The following RCAN1 variants were observed in gnomAD, a reference collection of about 807,000 sequenced individuals.
RCAN1 encodes regulator of calcineurin 1, also known as calcipressin-1.
A neutral mutation model predicts 22.9 loss-of-function variants in RCAN1; 11 were observed. That is an observed-to-expected ratio of 0.48 (90% CI 0.30 to 0.79). The LOEUF is 0.79. Ranked by LOEUF, RCAN1 falls within the 30% of genes least tolerant of loss-of-function variation. The pLI, the probability that RCAN1 is intolerant of heterozygous loss-of-function variation, is 0.06. For missense variants in RCAN1, 291 were observed against 337.8 expected (o/e 0.86, Z 1.09); for synonymous variants, 136 against 142.3 (o/e 0.96, Z 0.32).
chr21:34,568,629 A>G (rs374728594), intron 1 of RCAN1, among the ~76,000 whole-genome samples: 16 of 152,206 alleles, frequency 1.1e-4, no homozygotes, highest in East Asian at 7.7e-4. Flanking sequence ...GGTCTTTAAG[A>G]AGAAAGGAGC....
chr21:34,591,994 C>A (rs1987987695), intron 1 of RCAN1, among the ~76,000 whole-genome samples: 1 of 152,168 alleles, frequency 6.6e-6, no homozygotes, highest in African/African-American at 2.4e-5. Context: ...GTCAGTCATG[C>A]CTTAAGAAAG....
intron 1 of RCAN1, among the ~76,000 whole-genome samples, chr21:34,538,527 G>T (rs973960289): frequency 4.9e-4 from 75 of 152,282 alleles, no homozygotes; most frequent in East Asian, 3.9e-4. Flanking sequence ...GGTACTGGCC[G>T]CTTCCAGACT....
At chr21:34,555,826 G>T (rs994065786) in intron 1 of RCAN1, among the ~76,000 whole-genome samples, 21 of 151,834 alleles carry the variant, frequency 1.4e-4, no homozygotes, top group Non-Finnish European at 3.1e-4. Context: ...ACTTTGGGAG[G>T]CCGAGGCAGG....
At chr21:34,611,919 A>G (rs991522987) in intron 1 of RCAN1, among the ~76,000 whole-genome samples, 1 of 152,124 alleles carries the variant, frequency 6.6e-6, no homozygotes, top group African/African-American at 2.4e-5. Context: ...GCCCTCAGAG[A>G]CTGGGACTCC....
chr21:34,595,508 C>T (rs986461193), intron 1 of RCAN1, among the ~76,000 whole-genome samples: 1 of 152,208 alleles, frequency 6.6e-6, no homozygotes, highest in Non-Finnish European at 1.5e-5. Flanking sequence ...GTGTACAGAC[C>T]CATCTATTCA....
intron 1 of RCAN1, chr21:34,526,828 T>C: frequency 4.6e-6 from 7 of 1,533,612 alleles, no homozygotes; most frequent in South Asian, 2.5e-5. Flanking sequence ...AGGCTGTAGG[T>C]TCCTTCTTGA....
At position 34,547,731 on chromosome 21, in the gene RCAN1, C is replaced by T. The variant is rs182671207; in HGVS notation, c.253-24021G>A. On this transcript the variant is annotated intron_variant, in intron 1 of 3. Transcript: ENST00000313806. ...CCTGATAAAAAGGATGAGTTTGGCT[C>T]CATGTCCTCTCCCTGTCTCCTGTGC... Among the ~76,000 whole-genome samples, 6 of 152,286 alleles carry T rather than the reference C, an allele frequency of 3.9e-5. No individual in the cohort carries two copies. The East Asian group carries it at 1.2e-3, about 29-fold the overall frequency.
intron 1 of RCAN1, chr21:34,613,850 A>G (rs1988745171): frequency 6.9e-7 from 1 of 1,457,288 alleles, no homozygotes; most frequent in African/African-American, 1.4e-5. Flanking sequence ...GTTCATTGAC[A>G]GCATTTGTGG....
chr21:34,534,426 C>T (rs1313845012), intron 1 of RCAN1, among the ~76,000 whole-genome samples: 2 of 152,118 alleles, frequency 1.3e-5, no homozygotes, highest in African/African-American at 4.8e-5. Context: ...CCCGCTGTCA[C>T]CATAGTCTGC....
Position 34,556,451 on chromosome 21 carries a change from A to AATAATAATAATAATAATAATG in RCAN1, c.253-32742_253-32741insCATTATTATTATTATTATTAT, listed in dbSNP as rs1319400287. 9.6e-4 allele frequency among the ~76,000 whole-genome samples: 144 copies of AATAATAATAATAATAATAATG among 150,420 alleles called. 1 individual carries two copies. Among genetic ancestry groups the AATAATAATAATAATAATAATG allele is most frequent in the South Asian group, 2.9e-3 (14 of 4,780 alleles). On this transcript the variant is annotated intron_variant, in intron 1 of 3. Coordinates refer to ENST00000313806, the MANE Select transcript of RCAN1 (RefSeq NM_004414.7). ...AAAAAATAATAATAATAATAATAAT[A>AATAATAATAATAATAATAATG]ATAATAATAGGTTTAAAATAAGGTC...
intron 1 of RCAN1, among the ~76,000 whole-genome samples, chr21:34,608,631 AG>A (rs1343142203): frequency 6.6e-6 from 1 of 152,228 alleles, no homozygotes; most frequent in Non-Finnish European, 1.5e-5. Flanking sequence ...CAGGGGCACC[AG>A]GCTAAGCCAT....
intron 1 of RCAN1, among the ~76,000 whole-genome samples, chr21:34,606,388 C>T (rs1247250766): frequency 6.6e-6 from 1 of 152,192 alleles, no homozygotes; most frequent in African/African-American, 2.4e-5. Context: ...TTACCTGCAA[C>T]TGTCTTGGTA....
In RCAN1 at chr21:34,583,142, T is replaced by G. The variant is rs578145312; in HGVS notation, c.252+31618A>C. ...TATGTGTTGAAGCCCTAACCATCAGTACCGTAGAACTGGACTACACAGTTG... is the reference window on the plus strand; with the variant it reads ...TATGTGTTGAAGCCCTAACCATCAGGACCGTAGAACTGGACTACACAGTTG... On this transcript the variant is annotated intron_variant, in intron 1 of 3. Transcript: ENST00000313806. 3.2e-4 allele frequency among the ~76,000 whole-genome samples: 49 copies of G among 151,814 alleles called. 2 individuals are homozygous for G. In the South Asian group the frequency reaches 9.4e-3, roughly 29 times the overall value.
chr21:34,614,189 T>TA lies in RCAN1; in HGVS notation c.252+570dup, dbSNP rs2123742941. On this transcript the variant is annotated intron_variant, in intron 1 of 3. Transcript: ENST00000313806. This position sits in a 1 kb window ranked among gnomAD's most constrained non-coding sequence, Gnocchi z 6.0. ...GGGCAAGGTTCTTGACTAAATATCCTAAAGGTCTGAAAGATGGTCCCCTTC... is the reference window on the plus strand; with the variant it reads ...GGGCAAGGTTCTTGACTAAATATCCTAAAAGGTCTGAAAGATGGTCCCCTTC... 1 of 955,872 alleles carries TA rather than the reference T, an allele frequency of 1.0e-6. No homozygotes were observed. Among genetic ancestry groups the TA allele is most frequent in the Non-Finnish European group, 1.3e-6 (1 of 793,230 alleles). The allele number at this position is 955,872 out of a possible 1,614,324, so 59.2% of individuals were successfully genotyped here.
intron 1 of RCAN1, among the ~76,000 whole-genome samples, chr21:34,566,453 G>T (rs543725895): frequency 6.6e-6 from 1 of 152,142 alleles, no homozygotes; most frequent in Non-Finnish European, 1.5e-5. Context: ...TGACCTGGAA[G>T]GCCACATTCA....
chr21:34,528,117 TG>T (rs1256263469), intron 1 of RCAN1, among the ~76,000 whole-genome samples: 2 of 152,232 alleles, frequency 1.3e-5, no homozygotes, highest in Non-Finnish European at 2.9e-5. Flanking sequence ...AAGCATTCTC[TG>T]ATTTAGGGGC....
intron 1 of RCAN1, among the ~76,000 whole-genome samples, chr21:34,553,633 A>G (rs949431300): frequency 5.3e-5 from 8 of 152,200 alleles, no homozygotes; most frequent in Admixed American, 5.2e-4. Flanking sequence ...TAAAAATCTT[A>G]ACTCTAAATC....
intron 1 of RCAN1, among the ~76,000 whole-genome samples, chr21:34,533,123 G>A (rs984046561): frequency 6.6e-5 from 10 of 151,732 alleles, no homozygotes; most frequent in Admixed American, 1.3e-4. Context: ...ACCACGCCCG[G>A]CTAATTTTTT....
chr21:34,604,804 G>A (rs1377572261), intron 1 of RCAN1, among the ~76,000 whole-genome samples: 3 of 152,180 alleles, frequency 2.0e-5, no homozygotes, highest in Non-Finnish European at 4.4e-5. Flanking sequence ...GCCAGCCTGG[G>A]GCCCCACAGC....
Sources: allele counts gnomAD v4.1 joint callset (sites outside exome capture counted in the v4.1 genomes callset), GRCh38; gene constraint gnomAD v4.1.1; non-coding constraint Gnocchi (gnomAD v3.1); transcripts MANE v1.5; gene names NCBI Gene and HGNC (gene_info 2026-07-23, HGNC 2026-07-21).